The following ANKRD6 variants were observed in gnomAD, a reference collection of about 807,000 sequenced individuals.
The protein encoded by ANKRD6 is ankyrin repeat domain-containing protein 6.
In ANKRD6, 56 loss-of-function variants were observed where a neutral mutation model predicts 82.3. That is an observed-to-expected ratio of 0.68 (90% CI 0.55 to 0.85). ANKRD6 has a LOEUF of 0.85. Among genes scored for constraint, ANKRD6 ranks in the 40% least tolerant of loss-of-function variants. The pLI is 0.00. For missense variants in ANKRD6, 852 were observed against 907.6 expected, an observed-to-expected ratio of 0.94 and a Z score of 0.79; for synonymous variants, 347 against 352.1, an observed-to-expected ratio of 0.99 and a Z score of 0.16.
intron 1 of ANKRD6, among the ~76,000 whole-genome samples, chr6:89,532,615 A>G (rs1368069367): frequency 6.6e-6 from 1 of 152,188 alleles, no homozygotes; most frequent in African/African-American, 2.4e-5. Flanking sequence ...CTGTTTTGCC[A>G]TTACATGCCT....
chr6:89,512,256 A>G (rs1234382949), intron 1 of ANKRD6, among the ~76,000 whole-genome samples: 1 of 152,254 alleles, frequency 6.6e-6, no homozygotes, highest in Non-Finnish European at 1.5e-5. Context: ...TGTTACTCCC[A>G]ACATAAACTT....
Position 89,571,671 on chromosome 6 carries a change from C to T in ANKRD6, c.120+4575C>T, listed in dbSNP as rs896674023. 5.3e-5 allele frequency among the ~76,000 whole-genome samples: 8 copies of T among 152,178 alleles called. No individual in the cohort carries two copies. In the East Asian group the frequency reaches 7.7e-4, roughly 15 times the overall value. ...TTGAGAGGAAGGTCCAGAGATTTCC[C>T]GTATTGCTCCCGCCCCTAAACATGT... is the stretch of plus-strand genomic sequence containing the variant. On this transcript the variant is annotated intron_variant, in intron 2 of 15. Coordinates refer to ENST00000339746, the MANE Select transcript of ANKRD6 (RefSeq NM_001242809.2).
At chr6:89,539,662 C>T (rs1039181250) in intron 1 of ANKRD6, among the ~76,000 whole-genome samples, 6 of 151,844 alleles carry the variant, frequency 4.0e-5, no homozygotes, top group African/African-American at 9.7e-5. Flanking sequence ...ATTTATCCAT[C>T]GAGTTGCATT....
intron 1 of ANKRD6, among the ~76,000 whole-genome samples, chr6:89,537,329 ATTACT>A (rs1180256035): frequency 6.6e-6 from 1 of 152,178 alleles, no homozygotes; most frequent in Admixed American, 6.5e-5. Flanking sequence ...TTGTGAAGGT[ATTACT>A]TTACATTATT....
At chr6:89,437,170 A>G (rs533765211) in intron 1 of ANKRD6, among the ~76,000 whole-genome samples, 3 of 152,324 alleles carry the variant, frequency 2.0e-5, no homozygotes, top group South Asian at 4.1e-4. Flanking sequence ...AGTAAGCGCT[A>G]TAAGGAAATA....
intron 1 of ANKRD6, among the ~76,000 whole-genome samples, chr6:89,457,654 G>A (rs751964367): frequency 3.3e-5 from 5 of 152,058 alleles, no homozygotes; most frequent in Non-Finnish European, 7.4e-5. Context: ...ACCAAATGGC[G>A]GATCATGAAC....
intron 5 of ANKRD6, among the ~76,000 whole-genome samples, chr6:89,609,054 TC>T (rs1255555040): frequency 6.6e-6 from 1 of 152,112 alleles, no homozygotes; most frequent in African/African-American, 2.4e-5. Context: ...CCAGGCCCTC[TC>T]CCTCCCCGAA....
intron 1 of ANKRD6, among the ~76,000 whole-genome samples, chr6:89,523,831 T>G (rs891838875): frequency 6.6e-6 from 1 of 152,164 alleles, no homozygotes; most frequent in African/African-American, 2.4e-5. Context: ...TCAAGGAGTT[T>G]ATAGCATGAA....
intron 1 of ANKRD6, among the ~76,000 whole-genome samples, chr6:89,470,930 A>G (rs961567333): frequency 2.6e-5 from 4 of 152,202 alleles, no homozygotes; most frequent in Non-Finnish European, 4.4e-5. Context: ...GATGTTGTCC[A>G]GTCACCCTAA....
intron 1 of ANKRD6, among the ~76,000 whole-genome samples, chr6:89,566,295 C>T (rs368171151): frequency 5.3e-5 from 8 of 152,290 alleles, no homozygotes; most frequent in African/African-American, 1.7e-4. Context: ...ACACTATTTA[C>T]GGTGAAAAAA....
chr6:89,464,883 ATTTG>A (rs1774647191), intron 1 of ANKRD6, among the ~76,000 whole-genome samples: 2 of 152,150 alleles, frequency 1.3e-5, no homozygotes, highest in Admixed American at 6.5e-5. Flanking sequence ...CAATAATGCT[ATTTG>A]TTTGTGTCTG....
chr6:89,527,597 G>A (rs146539158), intron 1 of ANKRD6, among the ~76,000 whole-genome samples: 5 of 68,578 alleles, frequency 7.3e-5, no homozygotes, highest in African/African-American at 3.1e-4. Flanking sequence ...GGGAGACTCC[G>A]TCTCAAAAAA....
intron 1 of ANKRD6, among the ~76,000 whole-genome samples, chr6:89,516,526 G>C (rs554204819): frequency 5.8e-4 from 88 of 152,236 alleles, no homozygotes; most frequent in Non-Finnish European, 1.0e-3. Context: ...CCAGGCTGGA[G>C]TGCAGTGGTG....
At chr6:89,490,839 C>A (rs1024973774) in intron 1 of ANKRD6, among the ~76,000 whole-genome samples, 4 of 152,052 alleles carry the variant, frequency 2.6e-5, no homozygotes, top group African/African-American at 9.7e-5. Context: ...TGGTGGCCCC[C>A]CAAAAGATAA....
At chr6:89,490,403 A>G (rs1354358031) in intron 1 of ANKRD6, among the ~76,000 whole-genome samples, 1 of 152,262 alleles carries the variant, frequency 6.6e-6, no homozygotes, top group African/African-American at 2.4e-5. Context: ...TGTACAAAAC[A>G]GTGTGTTTTG....
At chr6:89,458,110 C>T (rs1419204615) in intron 1 of ANKRD6, among the ~76,000 whole-genome samples, 1 of 152,180 alleles carries the variant, frequency 6.6e-6, no homozygotes, top group Non-Finnish European at 1.5e-5. Flanking sequence ...GACTTTCTAG[C>T]CTCCAGAACT....
intron 10 of ANKRD6, 138 bp from the exon 11 acceptor site, chr6:89,623,272 T>C: frequency 3.4e-6 from 4 of 1,187,452 alleles, no homozygotes; most frequent in Non-Finnish European, 4.6e-6. Flanking sequence ...GTGTTTCCTA[T>C]GTCTGAAATT....
Position 89,618,045 on chromosome 6 carries a change from C to T in ANKRD6, c.792+14C>T. The T allele has an allele frequency of 1.2e-6, 2 of 1,613,608 alleles. No individual in the cohort carries two copies. The highest frequency in any genetic ancestry group is 1.7e-6 in the Non-Finnish European group (2 of 1,179,500). On this transcript the variant is annotated intron_variant, in intron 9 of 15. Transcript: ENST00000339746. ...AAAGCTCCCCAGGTAGGATTTACTG[C>T]CCTTTCCATGGTACTGATTATGCGG...
At chr6:89,576,436 C>A (rs1257463965) in intron 2 of ANKRD6, among the ~76,000 whole-genome samples, 1 of 152,156 alleles carries the variant, frequency 6.6e-6, no homozygotes, top group Non-Finnish European at 1.5e-5. Context: ...CTGATAAAAG[C>A]ACTGGGTATG....
Sources: gnomAD v4.1 joint callset for allele counts (sites outside exome capture counted in the v4.1 genomes callset) on GRCh38, gnomAD v4.1.1 for gene constraint, MANE v1.5 for transcripts, NCBI Gene and HGNC (gene_info 2026-07-23, HGNC 2026-07-21) for gene names.